The following GFRA1 variants were observed in gnomAD, a reference collection of about 807,000 sequenced individuals.
GFRA1 encodes the protein GDNF family receptor alpha 1.
A neutral mutation model predicts 51.6 loss-of-function variants in GFRA1; 16 were observed. That is an observed-to-expected ratio of 0.31 (90% CI 0.21 to 0.47). The LOEUF (loss-of-function observed/expected upper bound fraction) is 0.47. Ranked by LOEUF, GFRA1 falls within the 20% of genes least tolerant of loss-of-function variation. GFRA1 has a pLI of 1.00. For missense variants in GFRA1, 530 were observed against 594.3 expected (o/e 0.89, Z 1.13); for synonymous variants, 270 against 241.3 (o/e 1.12, Z -1.10).
At chr10:116,167,088 C>T (rs1400362331) in intron 5 of GFRA1, among the ~76,000 whole-genome samples, 3 of 152,008 alleles carry the variant, frequency 2.0e-5, no homozygotes, top group Admixed American at 6.6e-5. Flanking sequence ...TGTGAGCCAC[C>T]GTGCCCGGCC....
intron 4 of GFRA1, among the ~76,000 whole-genome samples, chr10:116,215,848 A>G (rs556209971): frequency 3.9e-5 from 6 of 152,100 alleles, no homozygotes; most frequent in African/African-American, 1.4e-4. Context: ...CACATGGACA[A>G]AGGAAAGCCT....
chr10:116,229,402 G>T (rs1451372816), intron 4 of GFRA1, among the ~76,000 whole-genome samples: 3 of 152,104 alleles, frequency 2.0e-5, no homozygotes, highest in African/African-American at 7.2e-5. Context: ...TTGCATCAAA[G>T]CACTGGGCCA....
intron 5 of GFRA1, among the ~76,000 whole-genome samples, chr10:116,148,128 G>GTGTGTGCATGC (rs1565610771): frequency 5.3e-5 from 8 of 150,946 alleles, no homozygotes; most frequent in African/African-American, 2.0e-4. Context: ...GCATGTGTGT[G>GTGTGTGCATGC]GGGTGGGGGG....
chr10:116,228,616 C>T (rs2420250), intron 4 of GFRA1, among the ~76,000 whole-genome samples: 61,316 of 151,848 alleles, frequency 0.4, 13,379 homozygotes, highest in East Asian at 0.56. Context: ...CAGAGAGTTA[C>T]AATGGTGAAA....
intron 4 of GFRA1, among the ~76,000 whole-genome samples, chr10:116,222,441 C>T (rs569751925): frequency 1.8e-4 from 28 of 152,158 alleles, no homozygotes; most frequent in Non-Finnish European, 2.2e-4. Flanking sequence ...TCAGGTGATC[C>T]GCCCCCTTCA....
intron 5 of GFRA1, among the ~76,000 whole-genome samples, chr10:116,161,843 T>C (rs112750643): frequency 1.3e-5 from 2 of 152,334 alleles, no homozygotes; most frequent in African/African-American, 4.8e-5. Flanking sequence ...AACAGACAAA[T>C]ACACCTATAT....
At chr10:116,270,760 A>C (rs1589928989) in intron 3 of GFRA1, 62 bp downstream of exon 3, 1 of 1,418,430 alleles carries the variant, frequency 7.1e-7, no homozygotes, top group South Asian at 1.2e-5. Flanking sequence ...TGGCCCAGGG[A>C]CGAAAGGCCC....
chr10:116,218,087 T>A (rs979437669), intron 4 of GFRA1, among the ~76,000 whole-genome samples: 2 of 152,180 alleles, frequency 1.3e-5, no homozygotes, highest in Non-Finnish European at 2.9e-5. Context: ...AGCCTTGACA[T>A]CAGTGATCCA....
At chr10:116,077,344 C>A (rs2133819908) in intron 9 of GFRA1, among the ~76,000 whole-genome samples, 1 of 152,270 alleles carries the variant, frequency 6.6e-6, no homozygotes, top group East Asian at 1.9e-4. Context: ...AAAAATAGAT[C>A]CCATGACCTG....
chr10:116,078,332 T>C (rs924771597), intron 9 of GFRA1, among the ~76,000 whole-genome samples: 4 of 152,332 alleles, frequency 2.6e-5, no homozygotes, highest in Middle Eastern at 3.4e-3. Flanking sequence ...CTCCCAAGGC[T>C]GACGTGGGTG....
At chr10:116,077,126 T>C (rs923093793) in intron 9 of GFRA1, among the ~76,000 whole-genome samples, 4 of 150,104 alleles carry the variant, frequency 2.7e-5, no homozygotes, top group African/African-American at 1.0e-4. Flanking sequence ...AATGAAAATC[T>C]TCTCTGGAGA....
chr10:116,200,827 T>C lies in GFRA1; in HGVS notation c.433+10804A>G, dbSNP rs1964273040. Among the ~76,000 whole-genome samples the C allele has an allele frequency of 2.0e-5, 3 of 152,316 alleles. 1 individual carries two copies. The highest frequency in any genetic ancestry group is 4.4e-5 in the Non-Finnish European group (3 of 68,024). On this transcript the variant is annotated intron_variant, in intron 5 of 10. Coordinates refer to ENST00000355422, the MANE Select transcript of GFRA1 (RefSeq NM_005264.8). ...ACACATTGGGGTTAGGATTTTAACA[T>C]ATGACTTTGGGGGAAACAAAAACAT...
intron 4 of GFRA1, among the ~76,000 whole-genome samples, chr10:116,230,715 GACACAC>G (rs5788144): frequency 0.03 from 4,483 of 150,030 alleles, 212 homozygotes; most frequent in African/African-American, 0.1. Context: ...CATGTGGACA[GACACAC>G]ACACACACAC....
chr10:116,205,926 T>TCACACACACACA lies in GFRA1; in HGVS notation c.433+5693_433+5704dup, dbSNP rs55780139. ...AAATCTGGTTATCATTTTCCTCATA[T>TCACACACACACA]CACACACACACACACACACACACAC... On this transcript the variant is annotated intron_variant, in intron 5 of 10. Transcript: ENST00000355422. Among the ~76,000 whole-genome samples the TCACACACACACA allele has an allele frequency of 2.3e-3, 327 of 142,572 alleles. 2 individuals carry two copies. The highest frequency in any genetic ancestry group is 5.6e-3 in the East Asian group (26 of 4,642). 93.5% of individuals were successfully genotyped at this position (142,572 alleles called of 152,430 possible).
At chr10:116,134,694 T>G (rs1477446113) in intron 5 of GFRA1, among the ~76,000 whole-genome samples, 2 of 152,218 alleles carry the variant, frequency 1.3e-5, no homozygotes, top group Non-Finnish European at 2.9e-5. Flanking sequence ...CCAAGTTTTC[T>G]CTGGGGCTCA....
At chr10:116,157,393 T>C (rs1012738776) in intron 5 of GFRA1, among the ~76,000 whole-genome samples, 6 of 152,198 alleles carry the variant, frequency 3.9e-5, no homozygotes, top group Non-Finnish European at 8.8e-5. Flanking sequence ...AACCAGCTGC[T>C]TGGCAATGCT....
intron 4 of GFRA1, among the ~76,000 whole-genome samples, chr10:116,226,517 G>A (rs1165527219): frequency 2.6e-5 from 4 of 152,156 alleles, no homozygotes; most frequent in Non-Finnish European, 5.9e-5. Context: ...TGTGAGCTCT[G>A]TATGGTTCAG....
intron 5 of GFRA1, 103 bp from the exon 6 acceptor site, chr10:116,125,660 G>A (rs975838209): frequency 1.3e-5 from 12 of 908,040 alleles, no homozygotes; most frequent in Non-Finnish European, 2.1e-5. Context: ...CATTGCCAGC[G>A]GCTCTAGAAC....
At chr10:116,206,918 C>T (rs1247674525) in intron 5 of GFRA1, among the ~76,000 whole-genome samples, 1 of 152,126 alleles carries the variant, frequency 6.6e-6, no homozygotes, top group Non-Finnish European at 1.5e-5. Flanking sequence ...AGGCGTGAGC[C>T]ACCGCACCCG....
Sources: allele counts gnomAD v4.1 joint callset (sites outside exome capture counted in the v4.1 genomes callset), GRCh38; gene constraint gnomAD v4.1.1; transcripts MANE v1.5; gene names NCBI Gene and HGNC (gene_info 2026-07-23, HGNC 2026-07-21).